The following CNTN5 variants were observed in gnomAD, a reference collection of about 807,000 sequenced individuals.
CNTN5 encodes the protein contactin-5.
Under a neutral mutation model 129.1 loss-of-function variants are expected in CNTN5, and 77 were observed. That is an observed-to-expected ratio of 0.60 (90% CI 0.50 to 0.72). The LOEUF is 0.72. Among genes scored for constraint, CNTN5 ranks in the 30% least tolerant of loss-of-function variants. The pLI, the probability that CNTN5 is intolerant of heterozygous loss-of-function variation, is 0.00. For missense variants in CNTN5, 1,478 were observed against 1,328.8 expected, an observed-to-expected ratio of 1.11 and a Z score of -1.75; for synonymous variants, 509 against 465.6, an observed-to-expected ratio of 1.09 and a Z score of -1.20.
At chr11:99,192,822 G>C (rs1858712233) in intron 1 of CNTN5, among the ~76,000 whole-genome samples, 1 of 151,910 alleles carries the variant, frequency 6.6e-6, no homozygotes, top group South Asian at 2.1e-4. Context: ...GTTTTTCTCG[G>C]GACTTTAGTT....
intron 18 of CNTN5, among the ~76,000 whole-genome samples, chr11:100,273,947 C>A (rs1257154071): frequency 2.6e-5 from 4 of 152,128 alleles, no homozygotes; most frequent in Non-Finnish European, 5.9e-5. Flanking sequence ...AAGCTGGAGG[C>A]AACATGTTAC....
intron 1 of CNTN5, among the ~76,000 whole-genome samples, chr11:99,194,796 G>T (rs983107231): frequency 1.3e-5 from 2 of 151,926 alleles, no homozygotes; most frequent in Non-Finnish European, 2.9e-5. Context: ...GTAGAGATGG[G>T]GTTTCATCGT....
chr11:99,893,087 A>T (rs1949107630), intron 6 of CNTN5, among the ~76,000 whole-genome samples: 1 of 152,186 alleles, frequency 6.6e-6, no homozygotes. Flanking sequence ...GAGGACTGAG[A>T]TCAACACTGA....
intron 2 of CNTN5, among the ~76,000 whole-genome samples, chr11:99,503,765 A>AT (rs1179566999): frequency 6.0e-5 from 9 of 150,012 alleles, no homozygotes; most frequent in Middle Eastern, 3.4e-3. Context: ...ATATAATGGA[A>AT]TTTTTTTTGT....
chr11:99,865,739 A>T (rs1364670926), intron 6 of CNTN5, among the ~76,000 whole-genome samples: 1 of 151,842 alleles, frequency 6.6e-6, no homozygotes, highest in Non-Finnish European at 1.5e-5. Context: ...GCCACATGCA[A>T]CTCTTTTACA....
At chr11:99,975,656 G>A (rs1330570652) in intron 8 of CNTN5, among the ~76,000 whole-genome samples, 1 of 152,042 alleles carries the variant, frequency 6.6e-6, no homozygotes, top group Non-Finnish European at 1.5e-5. Flanking sequence ...ATCGCGAGTT[G>A]GGAAAAGCCA....
At chr11:99,828,148 G>A (rs1055205296) in intron 4 of CNTN5, among the ~76,000 whole-genome samples, 1 of 152,088 alleles carries the variant, frequency 6.6e-6, no homozygotes, top group Non-Finnish European at 1.5e-5. Context: ...TCAGAGATAT[G>A]TACAATGATT....
At chr11:99,931,403 A>G (rs1338358776) in intron 7 of CNTN5, among the ~76,000 whole-genome samples, 2 of 152,204 alleles carry the variant, frequency 1.3e-5, no homozygotes, top group Non-Finnish European at 2.9e-5. Context: ...CATAAGGAAA[A>G]AGACTTAGAA....
chr11:99,955,152 G>A (rs911997973), intron 7 of CNTN5, among the ~76,000 whole-genome samples: 5 of 150,642 alleles, frequency 3.3e-5, no homozygotes, highest in African/African-American at 1.2e-4. Context: ...TTTGATTTTA[G>A]TAAATTATCT....
At chr11:100,098,234 G>A (rs1024015839) in intron 13 of CNTN5, among the ~76,000 whole-genome samples, 1 of 151,920 alleles carries the variant, frequency 6.6e-6, no homozygotes, top group Admixed American at 6.6e-5. Flanking sequence ...TGACTTTAAA[G>A]CAAATACATC....
At chr11:99,827,701 T>C (rs945928878) in intron 4 of CNTN5, among the ~76,000 whole-genome samples, 2 of 152,210 alleles carry the variant, frequency 1.3e-5, no homozygotes, top group Non-Finnish European at 2.9e-5. Context: ...TTAACAAATA[T>C]TTTTAGAGGC....
chr11:99,954,468 G>A (rs1950750291), intron 7 of CNTN5, among the ~76,000 whole-genome samples: 1 of 152,186 alleles, frequency 6.6e-6, no homozygotes, highest in Non-Finnish European at 1.5e-5. Context: ...AGATCGGCAT[G>A]CATTCAATTA....
At chr11:99,027,762 A>C (rs924556017) in intron 1 of CNTN5, among the ~76,000 whole-genome samples, 4 of 151,704 alleles carry the variant, frequency 2.6e-5, no homozygotes, top group Non-Finnish European at 5.9e-5. Flanking sequence ...GCTTGTACAG[A>C]TGCCTTCTCC....
chr11:99,445,416 C>T lies in CNTN5; in HGVS notation c.-70-110729C>T, dbSNP rs546265998. Among the ~76,000 whole-genome samples, 45 of 152,210 alleles carry T rather than the reference C, an allele frequency of 3.0e-4. 1 individual carries two copies. Among genetic ancestry groups the T allele is most frequent in the African/African-American group, 1.1e-3 (45 of 41,538 alleles). ...ATACTTGTTTAATAACAGTTAATTT[C>T]CTTCATTTCTCAATGAATAAATTCT... On this transcript the variant is annotated intron_variant, in intron 2 of 24. Coordinates refer to ENST00000524871, the MANE Select transcript of CNTN5 (RefSeq NM_014361.4).
At chr11:99,165,751 A>T (rs1003527088) in intron 1 of CNTN5, among the ~76,000 whole-genome samples, 2 of 152,156 alleles carry the variant, frequency 1.3e-5, no homozygotes, top group Admixed American at 1.3e-4. Context: ...TTCTCAGGTC[A>T]AAATAAGAGA....
At chr11:99,781,572 TC>T (rs1945312406) in intron 3 of CNTN5, among the ~76,000 whole-genome samples, 3 of 152,002 alleles carry the variant, frequency 2.0e-5, no homozygotes, top group Admixed American at 6.6e-5. Context: ...ATGCTTACCC[TC>T]TCCTGACCCT....
intron 3 of CNTN5, among the ~76,000 whole-genome samples, chr11:99,683,952 G>A (rs1426805439): frequency 6.6e-6 from 1 of 151,446 alleles, no homozygotes; most frequent in Non-Finnish European, 1.5e-5. Flanking sequence ...TTTTGGTGAC[G>A]GAAACAATAC....
At chr11:99,868,921 A>G (rs115849539) in intron 6 of CNTN5, among the ~76,000 whole-genome samples, 45 of 152,300 alleles carry the variant, frequency 3.0e-4, no homozygotes, top group African/African-American at 8.4e-4. Flanking sequence ...GGGAAAGAAA[A>G]GAAGTAGAAC....
At chr11:100,045,651 C>A (rs1942627432) in intron 9 of CNTN5, among the ~76,000 whole-genome samples, 1 of 150,502 alleles carries the variant, frequency 6.6e-6, no homozygotes. Flanking sequence ...CAAAATGAGA[C>A]TGGAAACCAG....
Sources: allele counts gnomAD v4.1 joint callset (sites outside exome capture counted in the v4.1 genomes callset), GRCh38; gene constraint gnomAD v4.1.1; transcripts MANE v1.5; gene names NCBI Gene and HGNC (gene_info 2026-07-23, HGNC 2026-07-21).